Variants in GRM3 observed in about 807,000 individuals in gnomAD.
The protein encoded by GRM3 is metabotropic glutamate receptor 3.
GRM3 carries 26 observed loss-of-function variants against 70.5 expected under a neutral mutation model. The ratio of observed to expected loss-of-function variants is 0.37; its 90% confidence interval spans 0.27 to 0.51. The LOEUF (loss-of-function observed/expected upper bound fraction) is 0.51, where lower values mean the gene tolerates loss of function less well. GRM3 is among the 20% of genes least tolerant of loss of function. The pLI, the probability that GRM3 is intolerant of heterozygous loss-of-function variation, is 0.93. For synonymous variants in GRM3, 443 were observed against 434.9 expected (o/e 1.02, Z -0.23); for missense variants, 859 against 1,123.8 (o/e 0.76, Z 3.37).
intron 3 of GRM3, among the ~76,000 whole-genome samples, chr7:86,805,738 C>T (rs999365264): frequency 1.3e-5 from 2 of 152,036 alleles, no homozygotes; most frequent in African/African-American, 4.8e-5. Context: ...TTTAAGATTG[C>T]ATCATATCTT....
chr7:86,825,241 C>T lies in GRM3; in HGVS notation c.1325-13598C>T, dbSNP rs972472351. Among the ~76,000 whole-genome samples the T allele has an allele frequency of 7.2e-5, 11 of 152,236 alleles. No homozygotes were observed. In the South Asian group the frequency reaches 1.2e-3, roughly 17 times the overall value. On this transcript the variant is annotated intron_variant, in intron 3 of 5. Coordinates refer to ENST00000361669, the MANE Select transcript of GRM3 (RefSeq NM_000840.3). Reference sequence around the variant, plus strand: ...TTTATTCTAAGTGAATTAACCCTTACGTTAAAAGGGAGAAAAAGAGGAGAA... The same window carrying T: ...TTTATTCTAAGTGAATTAACCCTTATGTTAAAAGGGAGAAAAAGAGGAGAA...
At chr7:86,689,242 AAGCTACACTATAT>A (rs1050336003) in intron 1 of GRM3, among the ~76,000 whole-genome samples, 69 of 151,988 alleles carry the variant, frequency 4.5e-4, no homozygotes, top group Non-Finnish European at 8.1e-4. Flanking sequence ...AATAAATAGG[AAGCTACACTATAT>A]AGCTACACTA....
chr7:86,812,496 G>A (rs7776998), intron 3 of GRM3, among the ~76,000 whole-genome samples: 8,157 of 151,780 alleles, frequency 0.054, 700 homozygotes, highest in African/African-American at 0.18. Flanking sequence ...AAAAAGGTTA[G>A]GATTAACGTT....
chr7:86,649,425 C>G lies in GRM3; in HGVS notation c.-141+4553C>G, dbSNP rs558503621. On this transcript the variant is annotated intron_variant, in intron 1 of 5. Coordinates refer to ENST00000361669, the MANE Select transcript of GRM3 (RefSeq NM_000840.3). ...ACTGTACTTTAAGGAGAGAAATAAACTTGGAAAACATTCTGATATAATCTA... is the reference window on the plus strand; with the variant it reads ...ACTGTACTTTAAGGAGAGAAATAAAGTTGGAAAACATTCTGATATAATCTA... Among the ~76,000 whole-genome samples the G allele has an allele frequency of 1.4e-4, 21 of 152,154 alleles. No homozygotes were observed. The South Asian group carries it at 3.9e-3, about 29-fold the overall frequency.
At chr7:86,646,777 T>G (rs1793484130) in intron 1 of GRM3, among the ~76,000 whole-genome samples, 1 of 152,026 alleles carries the variant, frequency 6.6e-6, no homozygotes, top group African/African-American at 2.4e-5. Flanking sequence ...TTTTCAAACT[T>G]CAGGAATATA....
intron 1 of GRM3, among the ~76,000 whole-genome samples, chr7:86,715,934 G>T (rs533813537): frequency 8.5e-5 from 13 of 152,092 alleles, no homozygotes; most frequent in Admixed American, 7.9e-4. Context: ...GACAAAATAT[G>T]TAAAAGCAAT....
chr7:86,697,824 A>T (rs181467192), intron 1 of GRM3, among the ~76,000 whole-genome samples: 1 of 152,262 alleles, frequency 6.6e-6, no homozygotes. Flanking sequence ...TCTAAAAGAG[A>T]TACCAGAACC....
In GRM3 at chr7:86,765,742, A is replaced by T. The variant is rs1796585891; in HGVS notation, c.468+129A>T. 1.8e-5 allele frequency: 14 copies of T among 796,638 alleles called. No homozygotes were observed. In the South Asian group the frequency reaches 2.9e-4, roughly 17 times the overall value. The allele number at this position is 796,638 out of a possible 1,614,324, so 49.3% of individuals were successfully genotyped here. A position where few individuals can be genotyped will look rare whatever the true frequency, so the allele number is the denominator to read the frequency against. The stretch of plus-strand genomic sequence containing the variant: ...CAACAATGCAATTATTAATTTTTCT[A>T]GTTATAATTTGATAATATAGGTTTG... On this transcript the variant is annotated intron_variant, in intron 2 of 5. Transcript: ENST00000361669.
chr7:86,800,653 T>C (rs1026454499), intron 3 of GRM3, among the ~76,000 whole-genome samples: 1 of 152,204 alleles, frequency 6.6e-6, no homozygotes. Context: ...ATAAACAGCC[T>C]ACCCACTAAA....
intron 1 of GRM3, among the ~76,000 whole-genome samples, chr7:86,696,436 A>T (rs1794818807): frequency 6.6e-6 from 1 of 152,040 alleles, no homozygotes; most frequent in Non-Finnish European, 1.5e-5. Context: ...AATGAAACAA[A>T]TTTTCCCTTA....
At chr7:86,854,330 G>A (rs1026891930) in intron 5 of GRM3, among the ~76,000 whole-genome samples, 1 of 152,132 alleles carries the variant, frequency 6.6e-6, no homozygotes, top group African/African-American at 2.4e-5. Flanking sequence ...GTTGATAGCA[G>A]AAAGAGTATT....
intron 1 of GRM3, among the ~76,000 whole-genome samples, chr7:86,684,868 C>T (rs904064223): frequency 1.3e-5 from 2 of 152,200 alleles, no homozygotes; most frequent in African/African-American, 4.8e-5. Context: ...TATTAGACCT[C>T]CCTGTGCCTC....
intron 2 of GRM3, among the ~76,000 whole-genome samples, chr7:86,777,594 A>G (rs753849609): frequency 2.0e-5 from 3 of 152,216 alleles, no homozygotes; most frequent in Non-Finnish European, 4.4e-5. Flanking sequence ...TAAAATCAAC[A>G]TTAATTCCTG....
chr7:86,728,562 C>T (rs1795646188), intron 1 of GRM3, among the ~76,000 whole-genome samples: 1 of 152,320 alleles, frequency 6.6e-6, no homozygotes, highest in South Asian at 2.1e-4. Context: ...CATTTGAAAT[C>T]TTCCAAAGTC....
intron 2 of GRM3, among the ~76,000 whole-genome samples, chr7:86,782,329 GT>G (rs61140551): frequency 0.34 from 48,434 of 141,592 alleles, 9,299 homozygotes; most frequent in African/African-American, 0.6. Context: ...TTATGGGGTG[GT>G]TTTTTTTTTT....
chr7:86,854,695 T>A (rs951237656), intron 5 of GRM3, among the ~76,000 whole-genome samples: 1 of 152,170 alleles, frequency 6.6e-6, no homozygotes, highest in African/African-American at 2.4e-5. Context: ...ATCTGGTTTG[T>A]AACAGACACC....
At chr7:86,698,006 T>A (rs562545823) in intron 1 of GRM3, among the ~76,000 whole-genome samples, 23 of 152,286 alleles carry the variant, frequency 1.5e-4, no homozygotes, top group African/African-American at 5.3e-4. Flanking sequence ...AAGACTTAAA[T>A]AAGTTGACTG....
At chr7:86,833,319 C>T (rs1798391064) in intron 3 of GRM3, among the ~76,000 whole-genome samples, 1 of 151,642 alleles carries the variant, frequency 6.6e-6, no homozygotes, top group Admixed American at 6.6e-5. Flanking sequence ...GTGGGTGCAG[C>T]GCACCAGCAT....
chr7:86,725,993 C>A (rs1174026503), intron 1 of GRM3, among the ~76,000 whole-genome samples: 3 of 152,168 alleles, frequency 2.0e-5, no homozygotes, highest in Non-Finnish European at 4.4e-5. Flanking sequence ...CTCCAAATAT[C>A]ATCACACTGG....
Sources: gnomAD v4.1 joint callset for allele counts (sites outside exome capture counted in the v4.1 genomes callset) on GRCh38, gnomAD v4.1.1 for gene constraint, MANE v1.5 for transcripts, NCBI Gene and HGNC (gene_info 2026-07-23, HGNC 2026-07-21) for gene names.